PCDHA5: variants seen among roughly 807,000 people sequenced by gnomAD.
PCDHA5 encodes the protein protocadherin alpha-5.
A neutral mutation model predicts 61.6 loss-of-function variants in PCDHA5; 43 were observed. That is an observed-to-expected ratio of 0.70 (90% confidence interval 0.55 to 0.90). The LOEUF (loss-of-function observed/expected upper bound fraction) is 0.90, where lower values mean the gene tolerates loss of function less well. Ranked by LOEUF, PCDHA5 falls within the 40% of genes least tolerant of loss-of-function variation. The pLI, the probability that PCDHA5 is intolerant of heterozygous loss-of-function variation, is 0.00. For synonymous variants in PCDHA5, 627 were observed against 543.9 expected, an observed-to-expected ratio of 1.15 and a Z score of -2.13; for missense variants, 1,298 against 1,222.7, an observed-to-expected ratio of 1.06 and a Z score of -0.92.
chr5:140,851,303 G>A (rs2042020475), intron 1 of PCDHA5: 2 of 1,012,372 alleles, frequency 2.0e-6, no homozygotes. Context: ...AAAATATATA[G>A]CAATTGTTAC....
At chr5:140,828,367 C>T (rs782811756) in intron 1 of PCDHA5, 8 of 1,614,132 alleles carry the variant, frequency 5.0e-6, no homozygotes, top group Non-Finnish European at 6.8e-6. Context: ...GGATCGACCG[C>T]GAGGAGCTGT....
chr5:141,001,849 T>C (rs889682000), intron 3 of PCDHA5, among the ~76,000 whole-genome samples: 5 of 151,704 alleles, frequency 3.3e-5, no homozygotes, highest in African/African-American at 7.3e-5. Context: ...GAGAGAGAGG[T>C]TGATTAAATT....
rs2150395747 is a variant in PCDHA5, at chr5:140,846,917, A to G, written c.2352+22790A>G. 4.9e-4 allele frequency among the ~76,000 whole-genome samples: 73 copies of G among 149,736 alleles called. 3 individuals are homozygous for G. The highest frequency in any genetic ancestry group is 1.6e-3 in the African/African-American group (65 of 40,960). ...TGAAGTTGAAAGACAATCATTTCCT[A>G]TTTGAATTTTTGAAGAAATACTTGA... On this transcript the variant is annotated intron_variant, in intron 1 of 3. Coordinates refer to ENST00000529859, the MANE Select transcript of PCDHA5 (RefSeq NM_018908.3).
At chr5:140,852,901 CA>C in intron 1 of PCDHA5, 4 of 823,926 alleles carry the variant, frequency 4.9e-6, no homozygotes, top group Non-Finnish European at 6.0e-6. Context: ...TTTTTTGAGT[CA>C]GAGTCTCGCT....
chr5:140,884,791 C>T, intron 1 of PCDHA5: 1 of 1,319,574 alleles, frequency 7.6e-7, no homozygotes, highest in Non-Finnish European at 1.0e-6. Context: ...TAGTTGTTAT[C>T]GAATTTAACA....
In PCDHA5 at chr5:140,823,108, G is replaced by A. The variant is rs138806648; in HGVS notation, c.1333G>A (p.Ala445Thr). 1 of 1,613,958 alleles carries A rather than the reference G, an allele frequency of 6.2e-7. No homozygotes were observed. The highest frequency in any genetic ancestry group is 8.5e-7 in the Non-Finnish European group (1 of 1,180,002). The change falls in exon 1 of 4, where the codon GCC (alanine) becomes ACC (threonine). Residue 445 changes from alanine (A) to threonine (T), a missense_variant. Coordinates refer to ENST00000529859, the MANE Select transcript of PCDHA5 (RefSeq NM_018908.3). ...CACCGCCAGCGTGTCTGTGGAAGTG[G>A]CCGACGTGAACGACAACGCTCCGGC... The part of the protein sequence containing the change: ...WATASVSVEV[A>T]DVNDNAPAFA...
chr5:140,941,248 T>TTTCTTTCC (rs1563187616), intron 1 of PCDHA5, among the ~76,000 whole-genome samples: 1 of 141,492 alleles, frequency 7.1e-6, no homozygotes, highest in African/African-American at 2.6e-5. Context: ...TCTTTCTTTC[T>TTTCTTTCC]TTCTTTCTCT....
chr5:140,862,489 C>T (rs1385240823), intron 1 of PCDHA5: 1 of 384,600 alleles, frequency 2.6e-6, no homozygotes, highest in Non-Finnish European at 5.2e-6. Context: ...TGTTGGTAAT[C>T]GCTCGGAATG....
In PCDHA5 at chr5:140,851,814, C is replaced by G. The variant is rs1363595383; in HGVS notation, c.2352+27687C>G. On this transcript the variant is annotated intron_variant, in intron 1 of 3. Coordinates refer to ENST00000529859, the MANE Select transcript of PCDHA5 (RefSeq NM_018908.3). The stretch of plus-strand genomic sequence containing the variant: ...CTTGTTCTGTCAGTAATCCATAAGA[C>G]AGAAATCTGTTTTTTTAAAAATATC... 6 of 954,454 alleles carry G rather than the reference C, an allele frequency of 6.3e-6. 1 individual carries two copies. In the African/African-American group the frequency reaches 1.1e-4, roughly 17 times the overall value. 59.1% of individuals were successfully genotyped at this position (954,454 alleles called of 1,614,324 possible). A position where few individuals can be genotyped will look rare whatever the true frequency, so the allele number is the denominator to read the frequency against.
At chr5:140,909,428 G>A (rs2074488610) in intron 1 of PCDHA5, among the ~76,000 whole-genome samples, 1 of 152,150 alleles carries the variant, frequency 6.6e-6, no homozygotes, top group African/African-American at 2.4e-5. Context: ...TTAAACTTAT[G>A]ATAATCCACT....
At chr5:140,928,143 C>T (rs983552748) in intron 1 of PCDHA5, 2 of 1,614,228 alleles carry the variant, frequency 1.2e-6, no homozygotes, top group Middle Eastern at 1.6e-4. Context: ...TGATCACGGC[C>T]TCAGATAGTG....
intron 1 of PCDHA5, chr5:140,828,638 A>G: frequency 6.2e-7 from 1 of 1,614,228 alleles, no homozygotes; most frequent in Non-Finnish European, 8.5e-7. Flanking sequence ...GCTAGATGTG[A>G]AAATAAACAG....
rs2150116346 is a variant in PCDHA5 at position 140,822,433 on chromosome 5, GAACT to G, written c.662_665del (p.Leu221GlnfsTer7). 1.9e-5 allele frequency: 31 copies of G among 1,613,932 alleles called. No homozygotes were observed. The highest frequency in any genetic ancestry group is 5.5e-5 in the South Asian group (5 of 91,072). ...GATTGCAACTGATGGAGGAAAACCCGAACTAACAGGTACAGTTCAGTTGTTGATC... is the reference window on the plus strand; with the variant it reads ...GATTGCAACTGATGGAGGAAAACCCGAACAGGTACAGTTCAGTTGTTGATC... On this transcript the variant is annotated frameshift_variant, in exon 1 of 4. Transcript: ENST00000529859. LOFTEE classifies it high-confidence loss of function.
At chr5:140,866,852 C>T (rs1004486221) in intron 1 of PCDHA5, 1 of 152,106 alleles carries the variant, frequency 6.6e-6, no homozygotes, top group Non-Finnish European at 1.5e-5. Flanking sequence ...TTAACAATAA[C>T]TGTATTGAAA....
intron 3 of PCDHA5, among the ~76,000 whole-genome samples, chr5:141,002,682 G>T (rs536105955): frequency 6.6e-6 from 1 of 152,140 alleles, no homozygotes; most frequent in Non-Finnish European, 1.5e-5. Flanking sequence ...CCTATACGAC[G>T]TGCAGATTTG....
At chr5:140,915,259 T>A (rs1344301014) in intron 1 of PCDHA5, among the ~76,000 whole-genome samples, 2 of 152,182 alleles carry the variant, frequency 1.3e-5, no homozygotes, top group African/African-American at 2.4e-5. Flanking sequence ...GTTGTTATTA[T>A]TTTTGACCAG....
At chr5:140,824,177 T>C in intron 1 of PCDHA5, 50 bp downstream of exon 1, 1 of 1,609,658 alleles carries the variant, frequency 6.2e-7, no homozygotes, top group East Asian at 2.2e-5. Context: ...TTTTCAAATA[T>C]TAAATGTCAC....
rs2098417418 is a variant in PCDHA5, at chr5:141,010,475, T to A, written c.*538T>A. On this transcript the variant is annotated 3_prime_UTR_variant, in exon 4 of 4. Coordinates refer to ENST00000529859, the MANE Select transcript of PCDHA5 (RefSeq NM_018908.3). ...GGAAGTTATCAGTATGGAGGGGAAG[T>A]GTAAACTTAAAGGGACCAGACTTTC... 16 of 757,310 alleles carry A rather than the reference T, an allele frequency of 2.1e-5. No homozygotes were observed. The highest frequency in any genetic ancestry group is 3.0e-5 in the Non-Finnish European group (15 of 502,774). 46.9% of individuals were successfully genotyped at this position (757,310 alleles called of 1,614,324 possible). A position where few individuals can be genotyped will look rare whatever the true frequency, so the allele number is the denominator to read the frequency against.
intron 3 of PCDHA5, 34 bp from the exon 4 acceptor site, chr5:141,009,593 C>T (rs1219056557): frequency 6.2e-7 from 1 of 1,601,902 alleles, no homozygotes; most frequent in Non-Finnish European, 8.5e-7. Context: ...CATGTGTTGA[C>T]CCTGTTAATG....
Sources: allele counts gnomAD v4.1 joint callset (sites outside exome capture counted in the v4.1 genomes callset), GRCh38; gene constraint gnomAD v4.1.1; transcripts MANE v1.5; gene names NCBI Gene and HGNC (gene_info 2026-07-23, HGNC 2026-07-21).